TRAF3IP1: variants seen among roughly 807,000 people sequenced by gnomAD.
The protein encoded by TRAF3IP1 is TRAF3-interacting protein 1.
TRAF3IP1 carries 53 observed loss-of-function variants against 89.9 expected under a neutral mutation model. The observed-to-expected ratio is 0.59, with a 90% CI of 0.47 to 0.74. The LOEUF (loss-of-function observed/expected upper bound fraction) is 0.74. Ranked by LOEUF, TRAF3IP1 falls within the 30% of genes least tolerant of loss-of-function variation. The pLI, the probability that TRAF3IP1 is intolerant of heterozygous loss-of-function variation, is 0.00. For synonymous variants in TRAF3IP1, 311 were observed against 322.1 expected (o/e 0.97, Z 0.37); for missense variants, 806 against 866.1 (o/e 0.93, Z 0.87).
At chr2:238,396,534 A>G (rs953420152) in intron 15 of TRAF3IP1, among the ~76,000 whole-genome samples, 14 of 151,888 alleles carry the variant, frequency 9.2e-5, no homozygotes, top group African/African-American at 3.4e-4. Context: ...TATAATAATA[A>G]TAAAAAAATT....
Position 238,325,286 on chromosome 2 carries a change from C to A in TRAF3IP1, c.124-20C>A. The A allele has an allele frequency of 6.2e-6, 10 of 1,613,692 alleles. No individual in the cohort carries two copies. Among genetic ancestry groups the A allele is most frequent in the Non-Finnish European group, 8.5e-6 (10 of 1,179,620 alleles). On this transcript the variant is annotated intron_variant, in intron 1 of 16. Transcript: ENST00000373327. Reference sequence around the variant, plus strand: ...GGCTGTCTGTGAGGTGACATGGTGGCCTTTCTTTCTCTCTTGAAGGTGATT... The same window carrying A: ...GGCTGTCTGTGAGGTGACATGGTGGACTTTCTTTCTCTCTTGAAGGTGATT...
chr2:238,352,724 G>A, intron 12 of TRAF3IP1, 103 bp from the exon 13 acceptor site: 1 of 1,144,176 alleles, frequency 8.7e-7, no homozygotes, highest in Non-Finnish European at 1.2e-6. Context: ...GCTAGAGATG[G>A]TTGGTGATTA....
intron 12 of TRAF3IP1, among the ~76,000 whole-genome samples, chr2:238,352,076 A>G (rs957789720): frequency 9.2e-5 from 14 of 152,108 alleles, no homozygotes; most frequent in Non-Finnish European, 1.8e-4. Context: ...ACATTTGTAC[A>G]GAGTGAGCTG....
At chr2:238,344,642 G>A (rs1208871634) in intron 9 of TRAF3IP1, 44 bp downstream of exon 9, 20 of 1,545,998 alleles carry the variant, frequency 1.3e-5, no homozygotes, top group Non-Finnish European at 1.8e-5. Flanking sequence ...AGAGCAGAGT[G>A]AGCCCTCCAG....
At position 238,325,954 on chromosome 2, in the gene TRAF3IP1, A is replaced by T; in HGVS notation, c.338A>T (p.Lys113Ile). 1.2e-6 allele frequency: 2 copies of T among 1,612,944 alleles called. No individual in the cohort carries two copies. Among genetic ancestry groups the T allele is most frequent in the South Asian group, 2.2e-5 (2 of 90,724 alleles). The change falls in exon 3 of 17, where the codon AAA becomes ATA. Residue 113 changes from lysine (K) to isoleucine (I), a missense_variant. Physicochemically the swap from Lys to Ile is moderately radical, Grantham distance 102 (BLOSUM62 -3). Coordinates refer to ENST00000373327, the MANE Select transcript of TRAF3IP1 (RefSeq NM_015650.4). ...AACGAGCTGCTCCAGATAATTGGAA[A>T]ATGCTGTCTCAACAAGGTACTACTG... ...RTNELLQIIG[K>I]CCLNKLSSDD... is the part of the protein sequence containing the mutation.
At chr2:238,389,853 C>CA (rs1359797318) in intron 15 of TRAF3IP1, among the ~76,000 whole-genome samples, 1 of 151,872 alleles carries the variant, frequency 6.6e-6, no homozygotes, top group Non-Finnish European at 1.5e-5. Flanking sequence ...ATTTATATGA[C>CA]TTATAATCAA....
At chr2:238,386,783 T>A (rs963649090) in intron 15 of TRAF3IP1, among the ~76,000 whole-genome samples, 1 of 152,218 alleles carries the variant, frequency 6.6e-6, no homozygotes, top group Admixed American at 6.5e-5. Context: ...TTCTGATCTT[T>A]TGCCTTGACC....
At chr2:238,349,053 G>A (rs1054426305) in intron 11 of TRAF3IP1, among the ~76,000 whole-genome samples, 1 of 152,114 alleles carries the variant, frequency 6.6e-6, no homozygotes. Context: ...AGATTTAGGG[G>A]AATTCAAAAT....
intron 7 of TRAF3IP1, among the ~76,000 whole-genome samples, chr2:238,337,555 G>A (rs181969736): frequency 3.3e-5 from 5 of 152,358 alleles, no homozygotes; most frequent in African/African-American, 1.2e-4. Context: ...ACTGTGGAGT[G>A]GCAGGAGTAA....
Position 238,329,296 on chromosome 2 carries a change from A to T in TRAF3IP1, c.869A>T (p.Asp290Val). The change falls in exon 5 of 17, where the codon GAC (aspartate) becomes GTC (valine). Residue 290 changes from aspartate to valine, a missense_variant. This residue lies in a region of TRAF3IP1 where 732 missense variants were observed against 780.5 expected (regional missense o/e 0.94). Transcript: ENST00000373327. The stretch of plus-strand genomic sequence containing the variant: ...GTGAAAAACGGGGAGCACTCCTGGG[A>T]CCTGGACAGGGAGAAGAACAGAGAG... ...RRVKNGEHSW[D>V]LDREKNREHD... 1 of 1,463,574 alleles carries T rather than the reference A, an allele frequency of 6.8e-7. No homozygotes were observed. The highest frequency in any genetic ancestry group is 9.0e-7 in the Non-Finnish European group (1 of 1,106,298). The allele number at this position is 1,463,574 out of a possible 1,614,324, so 90.7% of individuals were successfully genotyped here.
In TRAF3IP1 at chr2:238,340,044, C is replaced by T. The variant is rs1490410993; in HGVS notation, c.1159+1587C>T. Among the ~76,000 whole-genome samples, 17 of 28,054 alleles carry T rather than the reference C, an allele frequency of 6.1e-4. No homozygotes were observed. In the Admixed American group the frequency reaches 8.1e-3, roughly 13 times the overall value. The allele number at this position is 28,054 out of a possible 152,430, so 18.4% of individuals were successfully genotyped here. On this transcript the variant is annotated intron_variant, in intron 8 of 16. Coordinates refer to ENST00000373327, the MANE Select transcript of TRAF3IP1 (RefSeq NM_015650.4). The stretch of plus-strand genomic sequence containing the variant: ...CCCGCTGTCCTTGGGTGGCAGTGTG[C>T]GGTGGGTGGCGGGGCGGGGGGGTTG...
At chr2:238,358,070 A>C (rs1699498483) in intron 15 of TRAF3IP1, among the ~76,000 whole-genome samples, 1 of 151,848 alleles carries the variant, frequency 6.6e-6, no homozygotes, top group Non-Finnish European at 1.5e-5. Context: ...TAAACATCAG[A>C]CTTAAATTTA....
intron 12 of TRAF3IP1, among the ~76,000 whole-genome samples, chr2:238,350,991 A>T (rs1699127870): frequency 1.3e-5 from 2 of 151,934 alleles, no homozygotes; most frequent in African/African-American, 4.8e-5. Context: ...GGTCAGGAGG[A>T]GGCATTAGGA....
chr2:238,354,983 C>G (rs1433800736), intron 14 of TRAF3IP1, among the ~76,000 whole-genome samples: 1 of 151,902 alleles, frequency 6.6e-6, no homozygotes, highest in African/African-American at 2.4e-5. Context: ...GTATGTCTGC[C>G]TGTTTGTTGG....
At chr2:238,361,184 C>T (rs1699643815) in intron 15 of TRAF3IP1, among the ~76,000 whole-genome samples, 1 of 151,570 alleles carries the variant, frequency 6.6e-6, no homozygotes, top group Non-Finnish European at 1.5e-5. Context: ...GTAGCTGGGA[C>T]TACAGGCACA....
At position 238,328,971 on chromosome 2, in the gene TRAF3IP1, C is replaced by A. The variant is rs768858854; in HGVS notation, c.544C>A (p.Arg182=). 59 of 1,551,736 alleles carry A rather than the reference C, an allele frequency of 3.8e-5. No homozygotes were observed. The highest frequency in any genetic ancestry group is 2.4e-5 in the Non-Finnish European group (27 of 1,148,070). Residue 182 remains arginine (R), a synonymous_variant, in exon 5 of 17, where the codon CGA becomes AGA. Transcript: ENST00000373327. ...AAAAGAGAGAAGTACAAGCAGAGAT[C>A]GAAAACAGAAGGAAGAATTGAAAGA... ...EIKERSTSRD[R]KQKEELKEDR...
chr2:238,371,963 A>G (rs1230633934), intron 15 of TRAF3IP1, among the ~76,000 whole-genome samples: 1 of 152,252 alleles, frequency 6.6e-6, no homozygotes, highest in Non-Finnish European at 1.5e-5. Context: ...TTAAGCATAT[A>G]GAATTGAGTA....
intron 15 of TRAF3IP1, among the ~76,000 whole-genome samples, chr2:238,358,427 T>G (rs1393452045): frequency 3.3e-5 from 5 of 152,156 alleles, no homozygotes; most frequent in Non-Finnish European, 7.4e-5. Flanking sequence ...TCCCAGCTAC[T>G]CAGGAGGCTG....
intron 15 of TRAF3IP1, among the ~76,000 whole-genome samples, chr2:238,364,598 C>T (rs1194675167): frequency 6.6e-6 from 1 of 152,016 alleles, no homozygotes; most frequent in African/African-American, 2.4e-5. Context: ...TTTTCAGTCT[C>T]CTTTTACATG....
Sources: gnomAD v4.1 joint callset for allele counts (sites outside exome capture counted in the v4.1 genomes callset) on GRCh38, gnomAD v4.1.1 for gene constraint, gnomAD v4.1.1 regional missense constraint, MANE v1.5 for transcripts, NCBI Gene and HGNC (gene_info 2026-07-23, HGNC 2026-07-21) for gene names.